The following PPM1J variants were observed in gnomAD, a reference collection of about 807,000 sequenced individuals.
PPM1J encodes the protein protein phosphatase, Mg2+/Mn2+ dependent 1J.
PPM1J carries 43 observed loss-of-function variants against 53.3 expected under a neutral mutation model. The ratio of observed to expected loss-of-function variants is 0.81; its 90% CI spans 0.63 to 1.04. PPM1J has a LOEUF of 1.04. Ranked by LOEUF, PPM1J falls within the 50% of genes least tolerant of loss-of-function variation. The probability of loss-of-function intolerance (pLI) is 0.00; values close to 1 mark genes in which losing one functional copy is unlikely to be tolerated. For missense variants in PPM1J, 635 were observed against 685.9 expected, an observed-to-expected ratio of 0.93 and a Z score of 0.83; for synonymous variants, 267 against 286.4, an observed-to-expected ratio of 0.93 and a Z score of 0.68.
At position 112,710,993 on chromosome 1, in the gene PPM1J, T is replaced by C; in HGVS notation, c.1110+15A>G. The C allele has an allele frequency of 6.2e-7, 1 of 1,612,406 alleles. No homozygotes were observed. Among genetic ancestry groups the C allele is most frequent in the South Asian group, 1.1e-5 (1 of 91,054 alleles). The stretch of plus-strand genomic sequence containing the variant: ...AGGTCCTCCTCCCCTCTCCCACCTC[T>C]ACCATGGAGTTTACCTTTTTGCCCT... On this transcript the variant is annotated intron_variant, in intron 7 of 9. Transcript: ENST00000309276.
chr1:112,713,064 TTGTGTG>T (rs36095892), intron 2 of PPM1J, 33 bp from the exon 3 acceptor site: 2,047 of 1,032,100 alleles, frequency 2.0e-3, no homozygotes, highest in Middle Eastern at 3.2e-3. Context: ...TGAGTTTTGT[TTGTGTG>T]TGTGTGTGTG....
At position 112,711,079 on chromosome 1, in the gene PPM1J, G is replaced by C. The variant is rs746083328; in HGVS notation, c.1047-8C>G. On this transcript the variant is annotated splice_polypyrimidine_tract_variant and splice_region_variant and intron_variant, in intron 6 of 9. Transcript: ENST00000309276. ...TCGATCTTTTTGTAGGCCCTGGGGA[G>C]GGGGGAGTAGAGGAGGCATCACCCA... The C allele has an allele frequency of 1.2e-6, 2 of 1,612,734 alleles. No homozygotes were observed. Among genetic ancestry groups the C allele is most frequent in the South Asian group, 1.1e-5 (1 of 91,048 alleles).
Position 112,711,285 on chromosome 1 carries a change from C to CATGTT in PPM1J, c.1026_1027insAACAT (p.Asp343AsnfsTer6). 6.2e-7 allele frequency: 1 copy of CATGTT among 1,608,410 alleles called. No homozygotes were observed. The highest frequency in any genetic ancestry group is 8.5e-7 in the Non-Finnish European group (1 of 1,177,096). ...TGTTACCAGCCGGTCATGTTCTGGT[C>CATGTT]CCGGTACAACATCCTCTGCCCCAGC... On this transcript the variant is annotated frameshift_variant, in exon 6 of 10. Transcript: ENST00000309276. LOFTEE classifies it high-confidence loss of function.
Position 112,710,826 on chromosome 1 carries a change from A to G in PPM1J, c.1136T>C (p.Val379Ala). The change falls in exon 8 of 10, where the codon GTG becomes GCG. Residue 379 changes from valine (V) to alanine (A), a missense_variant. Val to Ala is a moderately conservative substitution (Grantham distance 64, BLOSUM62 0). Coordinates refer to ENST00000309276, the MANE Select transcript of PPM1J (RefSeq NM_005167.7). ...GCTGTGGTCTCCCAAGCCTCGGGTC[A>G]CCCCAATGGTGGCCATCACCCGAGC... Reference protein sequence around the residue: ...KKARVMATIGVTRGLGDHSLK... With the variant: ...KKARVMATIGATRGLGDHSLK... The G allele has an allele frequency of 6.2e-7, 1 of 1,613,882 alleles. No homozygotes were observed. The highest frequency in any genetic ancestry group is 8.5e-7 in the Non-Finnish European group (1 of 1,179,850).
chr1:112,714,883 C>T, intron 1 of PPM1J, 93 bp downstream of exon 1: 1 of 1,317,652 alleles, frequency 7.6e-7, no homozygotes, highest in Non-Finnish European at 9.7e-7. Context: ...GGCCCGGACG[C>T]GGCGTGGGGA....
chr1:112,710,540 C>G lies in PPM1J; in HGVS notation c.1290G>C (p.Leu430=), dbSNP rs770243098. 2 of 1,614,108 alleles carry G rather than the reference C, an allele frequency of 1.2e-6. No individual in the cohort carries two copies. Among genetic ancestry groups the G allele is most frequent in the Non-Finnish European group, 1.7e-6 (2 of 1,180,034 alleles). Residue 430 remains leucine (L), a synonymous_variant, in exon 9 of 10, where the codon CTG becomes CTC. Transcript: ENST00000309276. ...DDVLVLGTDG[L]WDVTTDCEVA... ...CCTCACAGTCAGTAGTGACATCCCACAGGCCATCTGTTCCCAGGACTAGCA... is the reference window on the plus strand; with the variant it reads ...CCTCACAGTCAGTAGTGACATCCCAGAGGCCATCTGTTCCCAGGACTAGCA...
intron 2 of PPM1J, 114 bp downstream of exon 2, chr1:112,713,383 G>A: frequency 1.4e-6 from 1 of 730,234 alleles, no homozygotes; most frequent in Non-Finnish European, 2.4e-6. Context: ...TGTGCCAGAA[G>A]GTAGATAGCC....
rs371051554 is a variant in PPM1J, at chr1:112,715,039, C to A, written c.263G>T (p.Gly88Val). 1 of 1,527,680 alleles carries A rather than the reference C, an allele frequency of 6.5e-7. No homozygotes were observed. 94.6% of individuals were successfully genotyped at this position (1,527,680 alleles called of 1,614,324 possible). A position where few individuals can be genotyped will look rare whatever the true frequency, so the allele number is the denominator to read the frequency against. ...GTCCGGGGGGCTTTGCACAGCCCGG[C>A]CCGCGTGGTCATCGGCGCGTCGCAG... The part of the protein sequence containing the change: ...GGLRRADDHA[G>V]RAVQSPPDTG... The change falls in exon 1 of 10, where the codon GGC becomes GTC. Residue 88 changes from glycine to valine, a missense_variant. Coordinates refer to ENST00000309276, the MANE Select transcript of PPM1J (RefSeq NM_005167.7). The surrounding 1 kb of genome is among the most constrained non-coding windows in gnomAD (Gnocchi z 4.4).
Position 112,711,048 on chromosome 1 carries a change from T to C in PPM1J, c.1070A>G (p.Glu357Gly), listed in dbSNP as rs757068793. Residue 357 changes from glutamate (E) to glycine (G), a missense_variant, in exon 7 of 10, where the codon GAG (glutamate) becomes GGG (glycine). By Grantham distance (98) the Glu-to-Gly change is moderately conservative (BLOSUM62 -2). Transcript: ENST00000309276. ...ACAGACCAGAGGAAACCTGAGATCCTCCAGCTCGATCTTTTTGTAGGCCCT... is the reference window on the plus strand; with the variant it reads ...ACAGACCAGAGGAAACCTGAGATCCCCCAGCTCGATCTTTTTGTAGGCCCT... Reference protein sequence around the residue: ...TGWAYKKIELEDLRFPLVCGE... With the variant: ...TGWAYKKIELGDLRFPLVCGE... 6.8e-6 allele frequency: 11 copies of C among 1,613,880 alleles called. No individual in the cohort carries two copies. Among genetic ancestry groups the C allele is most frequent in the Non-Finnish European group, 9.3e-6 (11 of 1,179,944 alleles).
chr1:112,712,249 T>G, intron 4 of PPM1J, 96 bp downstream of exon 4: 1 of 1,092,360 alleles, frequency 9.2e-7, no homozygotes. Context: ...CTCCCTCCAA[T>G]CTTGATTTTT....
At position 112,711,336 on chromosome 1, in the gene PPM1J, A is replaced by G. The variant is rs1386323239; in HGVS notation, c.976T>C (p.Phe326Leu). The change falls in exon 6 of 10, where the codon TTC (phenylalanine) becomes CTC (leucine). Residue 326 changes from phenylalanine (F) to leucine (L), a missense_variant. Transcript: ENST00000309276. ...LLGSEFTHLEFPRRVLPKELG... is the reference protein window; with the variant it reads ...LLGSEFTHLELPRRVLPKELG... ...TCCTTGGGCAGAACTCTGCGGGGGA[A>G]CTCAAGGTGGGTGAATTCACTGCCT... is the stretch of plus-strand genomic sequence containing the variant. The G allele has an allele frequency of 1.2e-6, 2 of 1,606,904 alleles. No homozygotes were observed. The highest frequency in any genetic ancestry group is 1.7e-6 in the Non-Finnish European group (2 of 1,176,500).
In PPM1J at chr1:112,711,334, G is replaced by C. The variant is rs1388065093; in HGVS notation, c.978C>G (p.Phe326Leu). Reference protein sequence around the residue: ...LLGSEFTHLEFPRRVLPKELG... With the variant: ...LLGSEFTHLELPRRVLPKELG... Reference sequence around the variant, plus strand: ...GCTCCTTGGGCAGAACTCTGCGGGGGAACTCAAGGTGGGTGAATTCACTGC... The same window carrying C: ...GCTCCTTGGGCAGAACTCTGCGGGGCAACTCAAGGTGGGTGAATTCACTGC... The change falls in exon 6 of 10, where the codon TTC becomes TTG. Residue 326 changes from phenylalanine to leucine, a missense_variant. Phe to Leu is a conservative substitution (Grantham distance 22). Transcript: ENST00000309276. 6.2e-7 allele frequency: 1 copy of C among 1,607,028 alleles called. No homozygotes were observed. The highest frequency in any genetic ancestry group is 1.3e-5 in the African/African-American group (1 of 74,934).
chr1:112,714,227 G>C (rs901121765), intron 1 of PPM1J: 41 of 986,796 alleles, frequency 4.2e-5, no homozygotes, highest in Non-Finnish European at 4.8e-5. Flanking sequence ...TAAGGGAGGT[G>C]GTGGTGGGTC....
chr1:112,710,209 A>C lies in PPM1J; in HGVS notation c.1472T>G (p.Ile491Ser). The change falls in exon 10 of 10, where the codon ATC becomes AGC. Residue 491 changes from isoleucine to serine, a missense_variant. Ile to Ser is a moderately radical substitution (Grantham distance 142). Coordinates refer to ENST00000309276, the MANE Select transcript of PPM1J (RefSeq NM_005167.7). ...PNNKLGSGDD[I>S]SVFVIPLGGP... ...TCCCAGGGGGATGACGAAGACAGAG[A>C]TGTCATCCCCGGAACCCAGCTTGTT... The C allele has an allele frequency of 6.3e-7, 1 of 1,582,680 alleles. No individual in the cohort carries two copies. The highest frequency in any genetic ancestry group is 8.5e-7 in the Non-Finnish European group (1 of 1,170,476).
At chr1:112,710,955 G>A in intron 7 of PPM1J, 53 bp downstream of exon 7, 1 of 1,591,756 alleles carries the variant, frequency 6.3e-7, no homozygotes, top group Non-Finnish European at 8.6e-7. Context: ...CACCTCCCTA[G>A]ACAAGTTGTG....
chr1:112,712,422 TTGG>T lies in PPM1J; in HGVS notation c.762_764del (p.His254del), dbSNP rs1280407257. 5.6e-6 allele frequency: 9 copies of T among 1,613,608 alleles called. No individual in the cohort carries two copies. In the African/African-American group the frequency reaches 1.2e-4, roughly 22 times the overall value. On this transcript the variant is annotated inframe_deletion, in exon 4 of 10. Transcript: ENST00000309276. The stretch of plus-strand genomic sequence containing the variant: ...CCAGTGCACAGCAGCCCCCCTCCAC[TTGG>T]TGGCCACGCCGCTCCCGGGCCATCT...
intron 1 of PPM1J, 53 bp downstream of exon 1, chr1:112,714,923 G>A: frequency 7.5e-7 from 1 of 1,341,088 alleles, no homozygotes; most frequent in Non-Finnish European, 9.5e-7. Context: ...ATGCGGAGCT[G>A]GGGAGAGGGG....
intron 1 of PPM1J, chr1:112,714,303 C>T: frequency 1.0e-6 from 1 of 985,628 alleles, no homozygotes; most frequent in South Asian, 4.7e-5. Context: ...CTCTGCGTTC[C>T]CGGCAGATGC....
At chr1:112,710,909 A>C (rs568763136) in intron 7 of PPM1J, 58 bp from the exon 8 acceptor site, 189 of 1,597,656 alleles carry the variant, frequency 1.2e-4, no homozygotes, top group Non-Finnish European at 1.5e-4. Flanking sequence ...TCTGAAACCA[A>C]AGATCCCTTC....
Sources: gnomAD v4.1 joint callset for allele counts on GRCh38, gnomAD v4.1.1 for gene constraint, Gnocchi (gnomAD v3.1) non-coding constraint, MANE v1.5 for transcripts, NCBI Gene and HGNC (gene_info 2026-07-23, HGNC 2026-07-21) for gene names.